Variants in ZNF407 observed in about 807,000 individuals in gnomAD.
ZNF407 encodes the protein zinc finger protein 407.
Under a neutral mutation model 131.2 loss-of-function variants are expected in ZNF407, and 17 were observed. The ratio of observed to expected loss-of-function variants is 0.13; its 90% CI spans 0.09 to 0.19. ZNF407 has a LOEUF of 0.19. ZNF407 is among the 10% of genes least tolerant of loss of function. The pLI, the probability that ZNF407 is intolerant of heterozygous loss-of-function variation, is 1.00. For missense variants in ZNF407, 2,681 were observed against 2,830.6 expected (o/e 0.95, Z 1.20); for synonymous variants, 1,156 against 1,062.0 (o/e 1.09, Z -1.72).
intron 3 of ZNF407, among the ~76,000 whole-genome samples, chr18:74,691,661 C>A (rs73482718): frequency 0.017 from 2,507 of 151,778 alleles, 77 homozygotes; most frequent in African/African-American, 0.058. Context: ...GACCTTTTTT[C>A]TTTTTCTAAT....
chr18:74,761,824 A>G (rs996061096), intron 3 of ZNF407, among the ~76,000 whole-genome samples: 16 of 152,220 alleles, frequency 1.1e-4, no homozygotes, highest in Non-Finnish European at 2.9e-5. Flanking sequence ...TCTAAATTAT[A>G]CATTTGCCAC....
intron 4 of ZNF407, among the ~76,000 whole-genome samples, chr18:74,790,070 A>C (rs2145047947): frequency 6.6e-6 from 1 of 152,304 alleles, no homozygotes; most frequent in Non-Finnish European, 1.5e-5. Context: ...TTAGAGAATA[A>C]AAGGTAATAT....
chr18:75,000,807 A>G (rs1278743702), intron 8 of ZNF407, among the ~76,000 whole-genome samples: 1 of 152,188 alleles, frequency 6.6e-6, no homozygotes, highest in Non-Finnish European at 1.5e-5. Flanking sequence ...GTGGAATATA[A>G]ACTAGGATGA....
intron 3 of ZNF407, among the ~76,000 whole-genome samples, chr18:74,771,682 T>C (rs1032681759): frequency 1.3e-5 from 2 of 152,116 alleles, no homozygotes; most frequent in Non-Finnish European, 2.9e-5. Context: ...TCTATCTCAA[T>C]TGGCTGTTCT....
chr18:74,832,271 G>T (rs1246561855), intron 4 of ZNF407, among the ~76,000 whole-genome samples: 1 of 152,158 alleles, frequency 6.6e-6, no homozygotes, highest in Admixed American at 6.5e-5. Context: ...TAGTACTCAT[G>T]TGCTTTACTT....
intron 8 of ZNF407, among the ~76,000 whole-genome samples, chr18:74,983,457 G>T (rs1040583576): frequency 6.6e-6 from 1 of 151,816 alleles, no homozygotes; most frequent in African/African-American, 2.4e-5. Context: ...TATAACAACC[G>T]TGATATTCTG....
intron 3 of ZNF407, among the ~76,000 whole-genome samples, chr18:74,675,790 C>T (rs753154203): frequency 5.6e-4 from 85 of 152,250 alleles, no homozygotes; most frequent in African/African-American, 1.3e-3. Context: ...TCCGACAATT[C>T]GAGGATCTTG....
At chr18:74,647,019 G>A (rs181423256) in intron 3 of ZNF407, among the ~76,000 whole-genome samples, 10 of 152,272 alleles carry the variant, frequency 6.6e-5, no homozygotes, top group Non-Finnish European at 1.5e-4. Context: ...TCATTTCTTG[G>A]TGTAGTAGTT....
At position 75,064,322 on chromosome 18, in the gene ZNF407, CAGGCCGGGGCCACGCTAGGCACAG is replaced by C. The variant is rs746873877; in HGVS notation, c.6613_6636del (p.Thr2205_Ala2212del). ...GACTGCGGACTCGCAGGAACTCCTG[CAGGCCGGGGCCACGCTAGGCACAG>C]AGGCCGGGGCCCCAAGCAGGGCAGA... On this transcript the variant is annotated inframe_deletion, in exon 9 of 9. Coordinates refer to ENST00000299687, the MANE Select transcript of ZNF407 (RefSeq NM_017757.3). 5.7e-5 allele frequency: 91 copies of C among 1,598,176 alleles called. No individual in the cohort carries two copies. Among genetic ancestry groups the C allele is most frequent in the African/African-American group, 9.4e-5 (7 of 74,680 alleles).
intron 8 of ZNF407, among the ~76,000 whole-genome samples, chr18:74,988,764 C>A (rs1233975154): frequency 6.6e-6 from 1 of 152,070 alleles, no homozygotes; most frequent in African/African-American, 2.4e-5. Flanking sequence ...ATTAAAGCCA[C>A]GAGGAGATGC....
Position 74,634,390 on chromosome 18 carries a change from C to T in ZNF407, c.3371C>T (p.Ala1124Val), listed in dbSNP as rs935583801. Residue 1124 changes from alanine (A) to valine (V), a missense_variant, in exon 2 of 9, where the codon GCT (alanine) becomes GTT (valine). Ala to Val is a moderately conservative substitution (Grantham distance 64, BLOSUM62 0). This residue lies in a region of ZNF407 where 1,789 missense variants were observed against 1,748.7 expected (regional missense o/e 1.02). Coordinates refer to ENST00000299687, the MANE Select transcript of ZNF407 (RefSeq NM_017757.3). ...TCTGATACTCTTAAATCTAGAAATGCTGCAGATTGCTCTATTTTAAATGAG... is the reference window on the plus strand; with the variant it reads ...TCTGATACTCTTAAATCTAGAAATGTTGCAGATTGCTCTATTTTAAATGAG... ...QPSDTLKSRN[A>V]ADCSILNENT... is the part of the protein sequence containing the mutation. 6 of 1,613,538 alleles carry T rather than the reference C, an allele frequency of 3.7e-6. No individual in the cohort carries two copies. Among genetic ancestry groups the T allele is most frequent in the Non-Finnish European group, 5.1e-6 (6 of 1,179,852 alleles).
intron 3 of ZNF407, among the ~76,000 whole-genome samples, chr18:74,671,286 G>T (rs1051994141): frequency 6.6e-6 from 1 of 151,976 alleles, no homozygotes; most frequent in Non-Finnish European, 1.5e-5. Context: ...TCTTTTTAAG[G>T]CAGAATAATA....
intron 1 of ZNF407, among the ~76,000 whole-genome samples, chr18:74,614,112 T>C (rs1011297794): frequency 1.2e-4 from 18 of 152,238 alleles, no homozygotes; most frequent in Non-Finnish European, 2.6e-4. Context: ...CAGGAGTGCA[T>C]GTTAATTTGA....
chr18:75,064,356 C>T lies in ZNF407; in HGVS notation c.6635C>T (p.Ala2212Val). ...AGATLGTEAG[A>V]PSRAEQLASV... The stretch of plus-strand genomic sequence containing the variant: ...GCCACGCTAGGCACAGAGGCCGGGG[C>T]CCCAAGCAGGGCAGAGCAGCTGGCC... The change falls in exon 9 of 9, where the codon GCC becomes GTC. Residue 2212 changes from alanine (A) to valine (V), a missense_variant. Ala to Val is a moderately conservative substitution (Grantham distance 64). Coordinates refer to ENST00000299687, the MANE Select transcript of ZNF407 (RefSeq NM_017757.3). 5 of 1,585,988 alleles carry T rather than the reference C, an allele frequency of 3.2e-6. No individual in the cohort carries two copies. The highest frequency in any genetic ancestry group is 4.3e-6 in the Non-Finnish European group (5 of 1,167,012).
At chr18:74,699,205 A>G (rs1967433859) in intron 3 of ZNF407, among the ~76,000 whole-genome samples, 2 of 152,116 alleles carry the variant, frequency 1.3e-5, no homozygotes, top group Admixed American at 1.3e-4. Context: ...ATTTCATTGC[A>G]AAGATAAGAT....
intron 3 of ZNF407, among the ~76,000 whole-genome samples, chr18:74,737,663 GA>G (rs142463766): frequency 0.021 from 3,206 of 152,196 alleles, 105 homozygotes; most frequent in African/African-American, 0.071. Flanking sequence ...TTCAGCAGAG[GA>G]CCACAGATGC....
intron 5 of ZNF407, among the ~76,000 whole-genome samples, chr18:74,878,320 CA>C (rs1322083702): frequency 6.6e-6 from 1 of 152,100 alleles, no homozygotes; most frequent in East Asian, 1.9e-4. Context: ...ATCAGCATTC[CA>C]AAATGTTCTT....
chr18:74,613,233 A>G (rs879444818), intron 1 of ZNF407, among the ~76,000 whole-genome samples: 2 of 151,954 alleles, frequency 1.3e-5, no homozygotes, highest in African/African-American at 4.8e-5. Context: ...ACGTTTGCCT[A>G]TTTTTTCTAA....
At chr18:74,603,415 C>T (rs1025472372) in intron 1 of ZNF407, among the ~76,000 whole-genome samples, 3 of 152,222 alleles carry the variant, frequency 2.0e-5, no homozygotes, top group Admixed American at 2.0e-4. Context: ...GAGACAATCA[C>T]TATTAACAGT....
Sources: gnomAD v4.1 joint callset for allele counts (sites outside exome capture counted in the v4.1 genomes callset) on GRCh38, gnomAD v4.1.1 for gene constraint, gnomAD v4.1.1 regional missense constraint, MANE v1.5 for transcripts, NCBI Gene and HGNC (gene_info 2026-07-23, HGNC 2026-07-21) for gene names.